Variants in CRHBP observed in about 807,000 individuals in gnomAD.
CRHBP encodes the protein corticotropin-releasing hormone-binding protein.
Under a neutral mutation model 34.9 loss-of-function variants are expected in CRHBP, and 19 were observed. That is an observed-to-expected ratio of 0.55 (90% CI 0.38 to 0.80). CRHBP has a LOEUF of 0.80. Among genes scored for constraint, CRHBP ranks in the 30% least tolerant of loss-of-function variants. The pLI, the probability that CRHBP is intolerant of heterozygous loss-of-function variation, is 0.00. For missense variants in CRHBP, 328 were observed against 409.2 expected, an observed-to-expected ratio of 0.80 and a Z score of 1.71; for synonymous variants, 154 against 153.4, an observed-to-expected ratio of 1.00 and a Z score of -0.03.
intron 6 of CRHBP, 66 bp downstream of exon 6, chr5:76,963,526 A>G (rs1187907092): frequency 7.4e-7 from 1 of 1,348,168 alleles, no homozygotes; most frequent in Non-Finnish European, 1.0e-6. Context: ...GCACTCCCCT[A>G]ATATTTTCTA....
chr5:76,965,923 G>A (rs1745853410), intron 6 of CRHBP, among the ~76,000 whole-genome samples: 1 of 152,192 alleles, frequency 6.6e-6, no homozygotes. Flanking sequence ...GCCGAAGCAG[G>A]GATGTATTAA....
chr5:76,954,695 G>C (rs922075259), intron 3 of CRHBP, among the ~76,000 whole-genome samples: 4 of 152,140 alleles, frequency 2.6e-5, no homozygotes, highest in African/African-American at 9.7e-5. Context: ...TCAGTGCGCG[G>C]GTGACCCGAT....
At chr5:76,969,806 ACTT>A (rs1745916449), downstream of CRHBP, among the ~76,000 whole-genome samples, 2 of 152,200 alleles carry the variant, frequency 1.3e-5, no homozygotes, top group South Asian at 4.1e-4. Context: ...AAATCTGAAT[ACTT>A]CTTTGATACT....
chr5:76,979,406 A>G (rs1746086241), intron 3 of CRHBP, among the ~76,000 whole-genome samples: 1 of 152,082 alleles, frequency 6.6e-6, no homozygotes, highest in African/African-American at 2.4e-5. Context: ...GCTGGAGTGC[A>G]GTGGTGTGTT....
At chr5:76,959,039 T>C (rs778039856) in intron 5 of CRHBP, 150 bp downstream of exon 5, 2 of 713,098 alleles carry the variant, frequency 2.8e-6, no homozygotes, top group African/African-American at 1.8e-5. Context: ...TTGCCCTAGC[T>C]GCTTTGACTA....
rs1257109599 is a variant in CRHBP, at chr5:76,955,687, T to C, written c.368T>C (p.Phe123Ser). The C allele has an allele frequency of 3.7e-6, 6 of 1,614,050 alleles. No homozygotes were observed. The highest frequency in any genetic ancestry group is 5.1e-6 in the Non-Finnish European group (6 of 1,180,034). The part of the protein sequence containing the change: ...FDGWILKGEK[F>S]PSSQDHPLPS... ...GGTTGGATTCTCAAGGGGGAGAAGT[T>C]CCCCAGTTCCCAGGATCATCCTCTC... The change falls in exon 4 of 7, where the codon TTC becomes TCC. Residue 123 changes from phenylalanine (F) to serine (S), a missense_variant. Physicochemically the swap from Phe to Ser is radical, Grantham distance 155. Transcript: ENST00000274368.
rs1745812466 is a variant in CRHBP at position 76,963,468 on chromosome 5, AT to A, written c.811+11del. ...ACCCCTTTCATGGCCCGGGTGAGGT[AT>A]TTCTTTGATTGTTATGTATGTGCCT... On this transcript the variant is annotated intron_variant, in intron 6 of 6. Transcript: ENST00000274368. 6 of 1,603,490 alleles carry A rather than the reference AT, an allele frequency of 3.7e-6. No individual in the cohort carries two copies. In the South Asian group the frequency reaches 4.4e-5, roughly 12 times the overall value.
At position 76,955,757 on chromosome 5, in the gene CRHBP, C is replaced by A; in HGVS notation, c.438C>A (p.Ser146Arg). ...TAGATTTCTGTGAGAGTGGTCTTAG[C>A]AGGAGGAGCATCAGATCTTCCCAGA... ...RYIDFCESGL[S>R]RRSIRSSQNV... The change falls in exon 4 of 7, where the codon AGC becomes AGA. Residue 146 changes from serine to arginine, a missense_variant. Physicochemically the swap from Ser to Arg is moderately radical, Grantham distance 110. Around this residue, in one of 3 missense-constraint regions of CRHBP, gnomAD observed 173 missense variants for 172.2 expected, o/e 1.00. Coordinates refer to ENST00000274368, the MANE Select transcript of CRHBP (RefSeq NM_001882.4). The A allele has an allele frequency of 6.2e-7, 1 of 1,614,204 alleles. No individual in the cohort carries two copies. The highest frequency in any genetic ancestry group is 1.1e-5 in the South Asian group (1 of 91,082).
rs1486816551 is a variant in CRHBP, at chr5:76,963,364, G to C, written c.715G>C (p.Gly239Arg). 1 of 1,613,950 alleles carries C rather than the reference G, an allele frequency of 6.2e-7. No individual in the cohort carries two copies. Among genetic ancestry groups the C allele is most frequent in the Non-Finnish European group, 8.5e-7 (1 of 1,180,006 alleles). The change falls in exon 6 of 7, where the codon GGA becomes CGA. Residue 239 changes from glycine (G) to arginine (R), a missense_variant. By Grantham distance (125) the Gly-to-Arg change is moderately radical. Transcript: ENST00000274368. ...QLKKSSAGCEGIGDFVELLGG... is the reference protein window; with the variant it reads ...QLKKSSAGCERIGDFVELLGG... ...TTAGAAATCCTCAGCAGGTTGCGAGGGAATAGGAGACTTTGTGGAGCTGCT... is the reference window on the plus strand; with the variant it reads ...TTAGAAATCCTCAGCAGGTTGCGAGCGAATAGGAGACTTTGTGGAGCTGCT...
At chr5:76,972,627 C>G (rs1484631177), downstream of CRHBP, among the ~76,000 whole-genome samples, 3 of 152,200 alleles carry the variant, frequency 2.0e-5, no homozygotes, top group Non-Finnish European at 4.4e-5. Flanking sequence ...CCACTGCACC[C>G]AGCCTTGTGG....
At chr5:76,953,991 C>T (rs756787915) in intron 2 of CRHBP, 38 bp from the exon 3 acceptor site, 45 of 1,571,664 alleles carry the variant, frequency 2.9e-5, no homozygotes, top group Non-Finnish European at 3.4e-5. Flanking sequence ...GCGGCGGCTG[C>T]AGCCCGGGAC....
downstream of CRHBP, among the ~76,000 whole-genome samples, chr5:76,974,143 A>G (rs1240053463): frequency 6.6e-6 from 1 of 151,790 alleles, no homozygotes; most frequent in Admixed American, 6.6e-5. Context: ...CAGCCTCCCA[A>G]GTAGCTGGGA....
chr5:76,953,939 G>A lies in CRHBP; in HGVS notation c.176-90G>A, dbSNP rs989783618. 25 of 1,479,674 alleles carry A rather than the reference G, an allele frequency of 1.7e-5. No homozygotes were observed. In the Admixed American group the frequency reaches 3.1e-4, roughly 19 times the overall value. 91.7% of individuals were successfully genotyped at this position (1,479,674 alleles called of 1,614,324 possible). ...CGGGGCGCTGGGCACTACAGAGCCCGGGAATGGGGCGCGCGGAGAGCGGCC... is the reference window on the plus strand; with the variant it reads ...CGGGGCGCTGGGCACTACAGAGCCCAGGAATGGGGCGCGCGGAGAGCGGCC... On this transcript the variant is annotated intron_variant, in intron 2 of 6. Transcript: ENST00000274368.
Position 76,969,299 on chromosome 5 carries a change from G to A in CRHBP, c.*414G>A, listed in dbSNP as rs1745909266. On this transcript the variant is annotated 3_prime_UTR_variant, in exon 7 of 7. Transcript: ENST00000274368. ...ATAACAGGATAAAGTCTTGTGTATA[G>A]CAAAGTAGTTGCATCTGTTTATTTT... 6.4e-6 allele frequency: 1 copy of A among 155,640 alleles called. No homozygotes were observed. The highest frequency in any genetic ancestry group is 2.4e-5 in the African/African-American group (1 of 41,582). The allele number at this position is 155,640 out of a possible 1,614,324, so 9.6% of individuals were successfully genotyped here.
At chr5:76,979,444 G>A (rs1746086620) in intron 3 of CRHBP, among the ~76,000 whole-genome samples, 1 of 152,122 alleles carries the variant, frequency 6.6e-6, no homozygotes, top group African/African-American at 2.4e-5. Context: ...TCCGCCTCCT[G>A]GGTTCAAGCA....
downstream of CRHBP, among the ~76,000 whole-genome samples, chr5:76,969,782 G>A (rs568337730): frequency 6.6e-6 from 1 of 152,268 alleles, no homozygotes; most frequent in South Asian, 2.1e-4. Flanking sequence ...AACTCTCATA[G>A]ACACAATTTG....
At chr5:76,953,562 C>G (rs1016033015) in intron 1 of CRHBP, 39 bp from the exon 2 acceptor site, 2 of 1,586,652 alleles carry the variant, frequency 1.3e-6, no homozygotes, top group African/African-American at 2.7e-5. Context: ...TTATCCCCAG[C>G]CCTTGAACTT....
downstream of CRHBP, among the ~76,000 whole-genome samples, chr5:76,973,898 G>T (rs1185501565): frequency 6.6e-6 from 1 of 151,912 alleles, no homozygotes; most frequent in Non-Finnish European, 1.5e-5. Flanking sequence ...CTGCCTCCAG[G>T]GTTCAAGCGA....
chr5:76,975,803 C>CAA (rs1158363151), intron 2 of CRHBP, among the ~76,000 whole-genome samples: 583 of 34,284 alleles, frequency 0.017, 5 homozygotes, highest in Middle Eastern at 0.062. Flanking sequence ...GACTCTGTCT[C>CAA]AAAAAAAAAA....
Sources: allele counts gnomAD v4.1 joint callset (sites outside exome capture counted in the v4.1 genomes callset), GRCh38; gene constraint gnomAD v4.1.1; regional missense constraint gnomAD v4.1.1; transcripts MANE v1.5; gene names NCBI Gene and HGNC (gene_info 2026-07-23, HGNC 2026-07-21).